The following ADAM12 variants were observed in gnomAD, a reference collection of about 807,000 sequenced individuals.
The protein encoded by ADAM12 is ADAM metallopeptidase domain 12, also known as disintegrin and metalloproteinase domain-containing protein 12.
A neutral mutation model predicts 106.4 loss-of-function variants in ADAM12; 70 were observed. The ratio of observed to expected loss-of-function variants is 0.66; its 90% CI spans 0.54 to 0.80. The LOEUF (loss-of-function observed/expected upper bound fraction) is 0.80. ADAM12 is among the 30% of genes least tolerant of loss of function. The pLI, the probability that ADAM12 is intolerant of heterozygous loss-of-function variation, is 0.00. For missense variants in ADAM12, 1,010 were observed against 1,171.9 expected (o/e 0.86, Z 2.02); for synonymous variants, 420 against 433.5 (o/e 0.97, Z 0.39).
intron 3 of ADAM12, among the ~76,000 whole-genome samples, chr10:126,159,307 C>CAAAAAAA (rs3069557): frequency 0.052 from 4,146 of 80,262 alleles, 398 homozygotes; most frequent in Non-Finnish European, 0.068. Context: ...GAGACTCCAT[C>CAAAAAAA]AAAAAAAAAA....
At chr10:126,322,992 G>T (rs1018224257) in intron 2 of ADAM12, among the ~76,000 whole-genome samples, 1 of 152,154 alleles carries the variant, frequency 6.6e-6, no homozygotes, top group Non-Finnish European at 1.5e-5. Context: ...CAGGCCAAGG[G>T]TGGGGTTGGG....
At chr10:126,046,587 G>A (rs754996186) in intron 16 of ADAM12, among the ~76,000 whole-genome samples, 19 of 151,510 alleles carry the variant, frequency 1.3e-4, no homozygotes, top group Non-Finnish European at 2.7e-4. Flanking sequence ...GGCAGAACAC[G>A]AGGTCAGGAG....
chr10:126,131,255 G>A (rs1228076734), intron 5 of ADAM12, among the ~76,000 whole-genome samples: 1 of 151,730 alleles, frequency 6.6e-6, no homozygotes, highest in African/African-American at 2.4e-5. Flanking sequence ...TGTTTGATCA[G>A]ACTACTAAGC....
chr10:126,176,397 T>C (rs1957220543), intron 3 of ADAM12, among the ~76,000 whole-genome samples: 1 of 152,234 alleles, frequency 6.6e-6, no homozygotes, highest in African/African-American at 2.4e-5. Context: ...TCCTAGGGTA[T>C]TCATTTATAG....
At chr10:126,357,065 C>A (rs1855564827) in intron 1 of ADAM12, among the ~76,000 whole-genome samples, 1 of 152,138 alleles carries the variant, frequency 6.6e-6, no homozygotes, top group Admixed American at 6.5e-5. Flanking sequence ...TGGCTGAAAA[C>A]TTCCCTAACC....
At chr10:126,247,132 G>T (rs1958646121) in intron 3 of ADAM12, among the ~76,000 whole-genome samples, 1 of 152,166 alleles carries the variant, frequency 6.6e-6, no homozygotes, top group South Asian at 2.1e-4. Context: ...TAAAGTATCT[G>T]AGAGTGGTTT....
intron 2 of ADAM12, among the ~76,000 whole-genome samples, chr10:126,288,975 A>G (rs552011202): frequency 5.7e-4 from 86 of 151,758 alleles, no homozygotes; most frequent in African/African-American, 1.9e-3. Flanking sequence ...CCACATGGTC[A>G]CATGATGGCT....
At chr10:126,129,938 T>C (rs1233768420) in intron 5 of ADAM12, among the ~76,000 whole-genome samples, 1 of 152,212 alleles carries the variant, frequency 6.6e-6, no homozygotes. Context: ...TCCCTCCTTC[T>C]TCTATGTTCT....
intron 3 of ADAM12, among the ~76,000 whole-genome samples, chr10:126,263,612 C>T (rs531854582): frequency 6.8e-6 from 1 of 147,192 alleles, no homozygotes; most frequent in Non-Finnish European, 1.5e-5. Context: ...TGTTGGTGGG[C>T]GGGGAGGGGG....
At chr10:126,293,436 C>CT (rs769804626) in intron 2 of ADAM12, among the ~76,000 whole-genome samples, 1 of 152,218 alleles carries the variant, frequency 6.6e-6, no homozygotes, top group Non-Finnish European at 1.5e-5. Flanking sequence ...CAGGTATTGA[C>CT]TTCACAATCC....
intron 21 of ADAM12, among the ~76,000 whole-genome samples, chr10:126,020,315 G>T (rs1397330349): frequency 1.4e-4 from 22 of 152,164 alleles, no homozygotes. Flanking sequence ...TCCACATGTT[G>T]CTCTGAAGGC....
intron 4 of ADAM12, among the ~76,000 whole-genome samples, chr10:126,138,678 T>C (rs979430849): frequency 2.6e-5 from 4 of 152,154 alleles, no homozygotes; most frequent in Non-Finnish European, 5.9e-5. Context: ...AACTGGCCCC[T>C]TTTACTTTCT....
chr10:126,190,768 G>T (rs1204119474), intron 3 of ADAM12, among the ~76,000 whole-genome samples: 1 of 152,124 alleles, frequency 6.6e-6, no homozygotes, highest in Non-Finnish European at 1.5e-5. Flanking sequence ...AAGCTGGAAG[G>T]TGCTGGCCTT....
At chr10:126,362,643 T>C (rs1423075716) in intron 1 of ADAM12, among the ~76,000 whole-genome samples, 1 of 152,094 alleles carries the variant, frequency 6.6e-6, no homozygotes, top group Non-Finnish European at 1.5e-5. Context: ...TAATTTGCAA[T>C]ATGTTTGGAA....
intron 21 of ADAM12, among the ~76,000 whole-genome samples, chr10:126,032,854 C>T (rs371494329): frequency 7.2e-5 from 11 of 152,100 alleles, no homozygotes; most frequent in South Asian, 2.1e-4. Context: ...TGTCAATAAA[C>T]AGAAGAAATT....
chr10:126,376,726 C>A (rs1203911400), intron 1 of ADAM12, among the ~76,000 whole-genome samples: 1 of 152,144 alleles, frequency 6.6e-6, no homozygotes, highest in African/African-American at 2.4e-5. Flanking sequence ...AGTCCCCATA[C>A]AGTATTTTGC....
Position 126,019,620 on chromosome 10 carries a change from C to G in ADAM12, c.2660+75G>C, listed in dbSNP as rs544198566. 4 of 1,556,396 alleles carry G rather than the reference C, an allele frequency of 2.6e-6. No homozygotes were observed. The East Asian group carries it at 9.1e-5, about 35-fold the overall frequency. Reference sequence around the variant, plus strand: ...CGGCCTAGACCACTGCACCCCTGTCCTGGCTTGGATTAGTCGTGGTTGGTC... The same window carrying G: ...CGGCCTAGACCACTGCACCCCTGTCGTGGCTTGGATTAGTCGTGGTTGGTC... On this transcript the variant is annotated intron_variant, in intron 22 of 22. Transcript: ENST00000448723.
intron 3 of ADAM12, among the ~76,000 whole-genome samples, chr10:126,254,216 C>T (rs1326522970): frequency 2.6e-5 from 4 of 152,208 alleles, no homozygotes; most frequent in African/African-American, 9.7e-5. Context: ...CTGCAGCCAG[C>T]TCTGGCACCT....
chr10:126,254,367 C>T (rs921081173), intron 3 of ADAM12, among the ~76,000 whole-genome samples: 2 of 152,172 alleles, frequency 1.3e-5, no homozygotes, highest in African/African-American at 2.4e-5. Flanking sequence ...AAATGCCAAG[C>T]GCAAGTCATG....
Sources: gnomAD v4.1 joint callset for allele counts (sites outside exome capture counted in the v4.1 genomes callset) on GRCh38, gnomAD v4.1.1 for gene constraint, MANE v1.5 for transcripts, NCBI Gene and HGNC (gene_info 2026-07-23, HGNC 2026-07-21) for gene names.